Variants in ZBTB41 observed in about 807,000 individuals in gnomAD.
ZBTB41 encodes the protein zinc finger and BTB domain-containing protein 41.
In ZBTB41, 42 loss-of-function variants were observed where a neutral mutation model predicts 87.6. The ratio of observed to expected loss-of-function variants is 0.48; its 90% CI spans 0.37 to 0.62. The LOEUF is 0.62. ZBTB41 is among the 20% of genes least tolerant of loss of function. The pLI is 0.00. For synonymous variants in ZBTB41, 364 were observed against 364.0 expected (o/e 1.00, Z 0.00); for missense variants, 799 against 1,078.9 (o/e 0.74, Z 3.63).
At chr1:197,162,168 G>C (rs763949874) in intron 10 of ZBTB41, among the ~76,000 whole-genome samples, 1 of 151,972 alleles carries the variant, frequency 6.6e-6, no homozygotes, top group Non-Finnish European at 1.5e-5. Context: ...TTTCTAAAAA[G>C]ATGAAAATTC....
rs149892643 is a variant in ZBTB41, at chr1:197,184,117, A to G, written c.1547-3000T>C. ...AAGAAGGAAGTGCACCAATTCTCCA[A>G]TAAAAACTACTTTTTCTGGAACTAA... On this transcript the variant is annotated intron_variant, in intron 5 of 10. Transcript: ENST00000367405. 6.4e-3 allele frequency among the ~76,000 whole-genome samples: 974 copies of G among 152,306 alleles called. 12 individuals are homozygous for G. Among genetic ancestry groups the G allele is most frequent in the African/African-American group, 0.022 (935 of 41,562 alleles).
Position 197,165,005 on chromosome 1 carries a change from G to A in ZBTB41, c.2075-4991C>T, listed in dbSNP as rs540653668. Among the ~76,000 whole-genome samples the A allele has an allele frequency of 1.6e-4, 22 of 134,306 alleles. No individual in the cohort carries two copies. The East Asian group carries it at 4.7e-3, about 29-fold the overall frequency. 88.1% of individuals were successfully genotyped at this position (134,306 alleles called of 152,430 possible). A position where few individuals can be genotyped will look rare whatever the true frequency, so the allele number is the denominator to read the frequency against. On this transcript the variant is annotated intron_variant, in intron 10 of 10. Coordinates refer to ENST00000367405, the MANE Select transcript of ZBTB41 (RefSeq NM_194314.3). ...TATAATAATATAACCTCAAAATAAA[G>A]CAAAAAATGAAAAAATCAAAAGAAA... is the stretch of plus-strand genomic sequence containing the variant.
intron 10 of ZBTB41, among the ~76,000 whole-genome samples, chr1:197,164,194 T>A (rs771188165): frequency 1.3e-5 from 2 of 152,112 alleles, no homozygotes; most frequent in Non-Finnish European, 2.9e-5. Context: ...TTTATTTATC[T>A]TTTCTAGAAG....
At chr1:197,191,403 G>A (rs978341754) in intron 3 of ZBTB41, among the ~76,000 whole-genome samples, 9 of 148,608 alleles carry the variant, frequency 6.1e-5, no homozygotes, top group Non-Finnish European at 1.2e-4. Context: ...GTTGCAGTGA[G>A]CTGAGATTGT....
rs766367219 is a variant in ZBTB41, at chr1:197,159,979, A to G, written c.2110T>C (p.Ser704Pro). ...KPYKCQICNQ[S>P]FRIKKTLTKH... The stretch of plus-strand genomic sequence containing the variant: ...GTTAATGTTTTCTTAATTCTAAAAG[A>G]CTGATTGCAAATTTGACACTTGTAT... Residue 704 changes from serine to proline, a missense_variant, in exon 11 of 11, where the codon TCT (serine) becomes CCT (proline). Ser to Pro is a moderately conservative substitution (Grantham distance 74). Coordinates refer to ENST00000367405, the MANE Select transcript of ZBTB41 (RefSeq NM_194314.3). 28 of 1,613,106 alleles carry G rather than the reference A, an allele frequency of 1.7e-5. No homozygotes were observed. Among genetic ancestry groups the G allele is most frequent in the Non-Finnish European group, 2.2e-5 (26 of 1,179,520 alleles).
intron 5 of ZBTB41, among the ~76,000 whole-genome samples, chr1:197,186,762 G>A (rs1350457724): frequency 6.6e-6 from 1 of 152,084 alleles, no homozygotes; most frequent in Non-Finnish European, 1.5e-5. Flanking sequence ...TACTCTGGAG[G>A]CTGAGGCAGG....
chr1:197,188,483 A>T, intron 4 of ZBTB41, 44 bp from the exon 5 acceptor site: 1 of 1,502,242 alleles, frequency 6.7e-7, no homozygotes, highest in South Asian at 1.3e-5. Flanking sequence ...CCTGAATTAA[A>T]AATTGTAATA....
chr1:197,164,687 A>AT (rs1659273770), intron 10 of ZBTB41, among the ~76,000 whole-genome samples: 1 of 122,716 alleles, frequency 8.1e-6, no homozygotes, highest in African/African-American at 2.8e-5. Flanking sequence ...ATATTATATT[A>AT]GATATATAAT....
intron 2 of ZBTB41, among the ~76,000 whole-genome samples, chr1:197,193,229 A>G (rs189589198): frequency 5.2e-4 from 79 of 152,258 alleles, no homozygotes; most frequent in African/African-American, 1.8e-3. Context: ...ACAAATACAC[A>G]CAACAACACT....
intron 5 of ZBTB41, among the ~76,000 whole-genome samples, chr1:197,186,278 CAAAA>C (rs35246227): frequency 7.5e-6 from 1 of 133,186 alleles, no homozygotes. Context: ...TATCCACAGA[CAAAA>C]AAAAAAAAAA....
In ZBTB41 at chr1:197,185,671, T is replaced by C. The variant is rs555675608; in HGVS notation, c.1546+2621A>G. The stretch of plus-strand genomic sequence containing the variant: ...ACACATCTCCAAGAACTGTGACATA[T>C]ACAGTACTCCTTTCAATTTATATGA... On this transcript the variant is annotated intron_variant, in intron 5 of 10. Transcript: ENST00000367405. 2.0e-5 allele frequency among the ~76,000 whole-genome samples: 3 copies of C among 151,410 alleles called. No individual in the cohort carries two copies. The South Asian group carries it at 6.3e-4, about 32-fold the overall frequency.
chr1:197,176,662 A>AT lies in ZBTB41; in HGVS notation c.1780_1781insA (p.Leu594TyrfsTer6). 1 of 1,608,586 alleles carries AT rather than the reference A, an allele frequency of 6.2e-7. No individual in the cohort carries two copies. The highest frequency in any genetic ancestry group is 8.5e-7 in the Non-Finnish European group (1 of 1,176,520). On this transcript the variant is annotated frameshift_variant, in exon 8 of 11. Coordinates refer to ENST00000367405, the MANE Select transcript of ZBTB41 (RefSeq NM_194314.3). LOFTEE classifies it high-confidence loss of function. Reference sequence around the variant, plus strand: ...TCTTTTATCATCATGATGTACTCGTAAGTGAAGTCTATAAAGAAAAAAGAA... The same window carrying AT: ...TCTTTTATCATCATGATGTACTCGTATAGTGAAGTCTATAAAGAAAAAAGAA...
At chr1:197,195,830 C>T (rs1037639555) in intron 2 of ZBTB41, among the ~76,000 whole-genome samples, 3 of 151,904 alleles carry the variant, frequency 2.0e-5, no homozygotes, top group Admixed American at 6.6e-5. Flanking sequence ...GGAAGACAGC[C>T]GGTAGCCTAA....
chr1:197,173,923 T>C (rs1384480820), intron 9 of ZBTB41, among the ~76,000 whole-genome samples: 3 of 152,210 alleles, frequency 2.0e-5, no homozygotes, highest in East Asian at 1.9e-4. Flanking sequence ...TGGCATATAA[T>C]GGGTAGAAGC....
chr1:197,185,523 C>T (rs1488948335), intron 5 of ZBTB41, among the ~76,000 whole-genome samples: 1 of 151,874 alleles, frequency 6.6e-6, no homozygotes, highest in Non-Finnish European at 1.5e-5. Context: ...TCATTCTAAG[C>T]ACTCACAAAC....
chr1:197,175,587 C>T (rs549022374), intron 8 of ZBTB41, among the ~76,000 whole-genome samples: 5 of 150,854 alleles, frequency 3.3e-5, no homozygotes, highest in East Asian at 1.9e-4. Context: ...GGATTTCTTA[C>T]GTTTGCAATG....
rs764790918 is a variant in ZBTB41 at position 197,159,384 on chromosome 1, A to T, written c.2705T>A (p.Ile902Asn). The change falls in exon 11 of 11, where the codon ATT becomes AAT. Residue 902 changes from isoleucine (I) to asparagine (N), a missense_variant. By Grantham distance (149) the Ile-to-Asn change is moderately radical. Coordinates refer to ENST00000367405, the MANE Select transcript of ZBTB41 (RefSeq NM_194314.3). ...TCATGAATGATGCTCATTCGTAGAA[A>T]TATTTTGAACACCAGTAGTGCTATC... The part of the protein sequence containing the change: ...GLDSTTGVQN[I>N]STNEHHS 6.2e-6 allele frequency: 10 copies of T among 1,613,636 alleles called. No homozygotes were observed. The African/African-American group carries it at 1.3e-4, about 22-fold the overall frequency.
chr1:197,176,466 T>A, intron 8 of ZBTB41, 98 bp downstream of exon 8: 1 of 857,962 alleles, frequency 1.2e-6, no homozygotes, highest in Non-Finnish European at 1.8e-6. Flanking sequence ...ATAAACCAAA[T>A]TATTAAACTT....
intron 10 of ZBTB41, among the ~76,000 whole-genome samples, chr1:197,164,792 C>T (rs796768037): frequency 9.6e-4 from 21 of 21,766 alleles, no homozygotes; most frequent in South Asian, 1.4e-3. Context: ...ATATATAATA[C>T]ATATATAATA....
Sources: allele counts gnomAD v4.1 joint callset (sites outside exome capture counted in the v4.1 genomes callset), GRCh38; gene constraint gnomAD v4.1.1; transcripts MANE v1.5; gene names NCBI Gene and HGNC (gene_info 2026-07-23, HGNC 2026-07-21).